APOL4: variants seen among roughly 807,000 people sequenced by gnomAD.
APOL4 encodes the protein apolipoprotein L4.
APOL4 carries 14 observed loss-of-function variants against 12.1 expected under a neutral mutation model. The observed-to-expected ratio is 1.16, with a 90% CI of 0.76 to 1.81. The LOEUF (loss-of-function observed/expected upper bound fraction) is 1.81, where lower values mean the gene tolerates loss of function less well. Ranked by LOEUF, APOL4 falls within the 40% of genes most tolerant of loss-of-function variation. The pLI is 0.00. For missense variants in APOL4, 432 were observed against 423.1 expected (o/e 1.02, Z -0.18); for synonymous variants, 171 against 160.6 (o/e 1.06, Z -0.49).
rs775820558 is a variant in APOL4 at position 36,201,639 on chromosome 22, C to G, written c.35+61G>C. 2.6e-5 allele frequency: 24 copies of G among 910,216 alleles called. 6 individuals are homozygous for G. The highest frequency in any genetic ancestry group is 3.6e-5 in the Non-Finnish European group (24 of 668,080). 56.4% of individuals were successfully genotyped at this position (910,216 alleles called of 1,614,324 possible). On this transcript the variant is annotated intron_variant, in intron 1 of 3. Transcript: ENST00000683024. ...ATCTCAACACCATGAGCCAGTAGAA[C>G]TGGGAGGACCAGGAGAGAGCAGAGG...
chr22:36,204,067 C>T (rs1346871480), upstream of APOL4, among the ~76,000 whole-genome samples: 2 of 152,162 alleles, frequency 1.3e-5, no homozygotes, highest in African/African-American at 4.8e-5. Flanking sequence ...GGGCAAGTCA[C>T]TCCCCTCCCA....
At position 36,191,518 on chromosome 22, in the gene APOL4, T is replaced by A. The variant is rs556656952; in HGVS notation, c.604A>T (p.Ser202Cys). ...TYTRSAELTA[S>C]RLTATSTDQL... ...TCAGTGCTGGTTGCAGTCAGCCTGC[T>A]GGCTGTGAGTTCTGCTGACCTTGTG... The change falls in exon 4 of 4, where the codon AGC becomes TGC. Residue 202 changes from serine (S) to cysteine (C), a missense_variant. By Grantham distance (112) the Ser-to-Cys change is moderately radical. Coordinates refer to ENST00000683024, the MANE Select transcript of APOL4 (RefSeq NM_001386885.1). 6.2e-7 allele frequency: 1 copy of A among 1,614,086 alleles called. No homozygotes were observed. Among genetic ancestry groups the A allele is most frequent in the East Asian group, 2.2e-5 (1 of 44,886 alleles).
chr22:36,195,770 TCTCTCTCA>T (rs1343779706), intron 2 of APOL4, among the ~76,000 whole-genome samples: 7 of 90,240 alleles, frequency 7.8e-5, no homozygotes, highest in Middle Eastern at 6.1e-3. Flanking sequence ...TCTCTCTCTC[TCTCTCTCA>T]CACACACACA....
At chr22:36,197,595 C>A (rs9610441) in intron 2 of APOL4, 4 of 1,475,732 alleles carry the variant, frequency 2.7e-6, no homozygotes, top group Non-Finnish European at 3.6e-6. Context: ...CCCCATGAAA[C>A]TGCAAGCTAT....
At chr22:36,197,918 A>G in intron 2 of APOL4, 1 of 1,443,508 alleles carries the variant, frequency 6.9e-7, no homozygotes, top group Non-Finnish European at 9.1e-7. Flanking sequence ...CCCAGACTCA[A>G]TCATACCCTC....
chr22:36,195,391 T>A lies in APOL4; in HGVS notation c.129A>T (p.Lys43Asn). 2.5e-6 allele frequency: 4 copies of A among 1,613,746 alleles called. No homozygotes were observed. Among genetic ancestry groups the A allele is most frequent in the Non-Finnish European group, 2.5e-6 (3 of 1,179,798 alleles). ...GGATTTTCAGATGCACTGGGCTAAC[T>A]TTCTTCTGGAAGTATTCAATGACTT... ...TEEVIEYFQK[K>N]VSPVHLKILL... Residue 43 changes from lysine to asparagine, a missense_variant, in exon 3 of 4, where the codon AAA becomes AAT. Coordinates refer to ENST00000683024, the MANE Select transcript of APOL4 (RefSeq NM_001386885.1).
Position 36,195,321 on chromosome 22 carries a change from C to G in APOL4, c.199G>C (p.Glu67Gln). The G allele has an allele frequency of 6.2e-7, 1 of 1,613,906 alleles. No homozygotes were observed. Among genetic ancestry groups the G allele is most frequent in the East Asian group, 2.2e-5 (1 of 44,874 alleles). Residue 67 changes from glutamate to glutamine, a missense_variant, in exon 3 of 4, where the codon GAA becomes CAA. Coordinates refer to ENST00000683024, the MANE Select transcript of APOL4 (RefSeq NM_001386885.1). Reference protein sequence around the residue: ...EAWKRFVRVAELPREEADALY... With the variant: ...EAWKRFVRVAQLPREEADALY... ...CCCCATGGAGGTTACCTGGGCAATT[C>G]AGCCACACGCACAAATCTCTTCCAG...
At chr22:36,199,499 C>A (rs917269020) in intron 1 of APOL4, 123 bp from the exon 2 acceptor site, 4 of 1,611,426 alleles carry the variant, frequency 2.5e-6, no homozygotes, top group African/African-American at 1.3e-5. Context: ...ACCAACCTAA[C>A]CCAGATTCTT....
At chr22:36,200,224 G>A (rs897925157) in intron 1 of APOL4, among the ~76,000 whole-genome samples, 1 of 152,218 alleles carries the variant, frequency 6.6e-6, no homozygotes, top group African/African-American at 2.4e-5. Flanking sequence ...GAACTTGCCA[G>A]TGTTTTCTAT....
At chr22:36,194,696 C>T (rs2014354875) in intron 3 of APOL4, among the ~76,000 whole-genome samples, 1 of 152,170 alleles carries the variant, frequency 6.6e-6, no homozygotes, top group Non-Finnish European at 1.5e-5. Flanking sequence ...CAGGATCCAC[C>T]CCAGCTCTGT....
upstream of APOL4, chr22:36,202,169 C>T: frequency 7.0e-7 from 1 of 1,428,140 alleles, no homozygotes; most frequent in South Asian, 1.2e-5. Flanking sequence ...GGCTTTGACG[C>T]CATCCTAGCT....
At chr22:36,199,199 G>T in intron 2 of APOL4, 131 bp downstream of exon 2, 1 of 1,301,990 alleles carries the variant, frequency 7.7e-7, no homozygotes, top group Non-Finnish European at 1.1e-6. Context: ...AGCCTCATCA[G>T]CCACCTCCGT....
intron 2 of APOL4, 146 bp downstream of exon 2, chr22:36,199,184 G>C (rs1203430497): frequency 8.9e-7 from 1 of 1,123,074 alleles, no homozygotes; most frequent in Non-Finnish European, 1.3e-6. Context: ...CTTGGGGCTT[G>C]GGGCAGCCTC....
intron 2 of APOL4, 40 bp downstream of exon 2, chr22:36,199,290 G>A (rs1371335851): frequency 5.6e-6 from 9 of 1,613,282 alleles, no homozygotes; most frequent in Non-Finnish European, 7.6e-6. Flanking sequence ...CAGGGAAGAG[G>A]AGGCGAGCCT....
intron 2 of APOL4, among the ~76,000 whole-genome samples, chr22:36,198,057 A>G (rs1042772299): frequency 2.6e-5 from 4 of 152,028 alleles, no homozygotes; most frequent in African/African-American, 9.7e-5. Context: ...AACTTAGTAA[A>G]CCCACAAAGT....
Position 36,190,886 on chromosome 22 carries a change from T to G in APOL4, c.*189A>C. On this transcript the variant is annotated 3_prime_UTR_variant, in exon 4 of 4. Coordinates refer to ENST00000683024, the MANE Select transcript of APOL4 (RefSeq NM_001386885.1). The stretch of plus-strand genomic sequence containing the variant: ...ATCACAAGGGTATTGATTGGGGAAG[T>G]GATCAGTGTCCATGAAATCTTCACA... 4 of 598,990 alleles carry G rather than the reference T, an allele frequency of 6.7e-6. No homozygotes were observed. 37.1% of individuals were successfully genotyped at this position (598,990 alleles called of 1,614,324 possible). A position where few individuals can be genotyped will look rare whatever the true frequency, so the allele number is the denominator to read the frequency against.
chr22:36,195,102 T>G, intron 3 of APOL4: 1 of 550,858 alleles, frequency 1.8e-6, no homozygotes, highest in Non-Finnish European at 3.1e-6. Context: ...GACCCTGCCC[T>G]TGTGGGCTTC....
intron 2 of APOL4, chr22:36,197,881 C>A: frequency 6.6e-7 from 1 of 1,514,256 alleles, no homozygotes; most frequent in South Asian, 1.3e-5. Context: ...AGATCTAACT[C>A]AGCACTGGGT....
rs753055348 is a variant in APOL4 at position 36,191,203 on chromosome 22, G to T, written c.919C>A (p.Gln307Lys). 1 of 1,613,876 alleles carries T rather than the reference G, an allele frequency of 6.2e-7. No individual in the cohort carries two copies. The highest frequency in any genetic ancestry group is 8.5e-7 in the Non-Finnish European group (1 of 1,179,838). Residue 307 changes from glutamine to lysine, a missense_variant, in exon 4 of 4, where the codon CAA becomes AAA. Gln to Lys is a moderately conservative substitution (Grantham distance 53). Transcript: ENST00000683024. Reference sequence around the variant, plus strand: ...CCCTTGTGCAAGTCCAGTGAGTCTTGCACAAGGTTGACTACATCCAGCACA... The same window carrying T: ...CCCTTGTGCAAGTCCAGTGAGTCTTTCACAAGGTTGACTACATCCAGCACA... ...LVVLDVVNLV[Q>K]DSLDLHKGAK...
Sources: allele counts gnomAD v4.1 joint callset (sites outside exome capture counted in the v4.1 genomes callset), GRCh38; gene constraint gnomAD v4.1.1; transcripts MANE v1.5; gene names NCBI Gene and HGNC (gene_info 2026-07-23, HGNC 2026-07-21).